The following TRA2A variants were observed in gnomAD, a reference collection of about 807,000 sequenced individuals.
The protein encoded by TRA2A is transformer 2 alpha homolog, also known as transformer-2 protein homolog alpha.
A neutral mutation model predicts 45.7 loss-of-function variants in TRA2A; 31 were observed. The ratio of observed to expected loss-of-function variants is 0.68; its 90% CI spans 0.51 to 0.92. The LOEUF (loss-of-function observed/expected upper bound fraction) is 0.92. TRA2A is among the 40% of genes least tolerant of loss of function. The pLI is 0.00. For synonymous variants in TRA2A, 132 were observed against 126.2 expected, an observed-to-expected ratio of 1.05 and a Z score of -0.31; for missense variants, 304 against 367.5, an observed-to-expected ratio of 0.83 and a Z score of 1.41.
chr7:23,519,810 A>G (rs888651416), intron 2 of TRA2A, among the ~76,000 whole-genome samples: 2 of 152,228 alleles, frequency 1.3e-5, no homozygotes, highest in South Asian at 4.1e-4. Flanking sequence ...AGAAGAGTTG[A>G]TATTTCCCAT....
At chr7:23,520,160 G>A (rs1172333776) in intron 2 of TRA2A, among the ~76,000 whole-genome samples, 1 of 152,226 alleles carries the variant, frequency 6.6e-6, no homozygotes, top group Non-Finnish European at 1.5e-5. Context: ...AGGTTGCAGT[G>A]AGCCAAGATC....
chr7:23,516,979 G>C (rs1789903145), intron 2 of TRA2A, among the ~76,000 whole-genome samples: 1 of 151,964 alleles, frequency 6.6e-6, no homozygotes, highest in Non-Finnish European at 1.5e-5. Flanking sequence ...GTGGTGGCAG[G>C]CACCTGTAAT....
intron 4 of TRA2A, among the ~76,000 whole-genome samples, chr7:23,509,238 C>G (rs1789483382): frequency 6.6e-6 from 1 of 152,072 alleles, no homozygotes; most frequent in South Asian, 2.1e-4. Context: ...TCAAAATTCT[C>G]TAAGTTGATC....
At chr7:23,518,132 T>C (rs1237563058) in intron 2 of TRA2A, among the ~76,000 whole-genome samples, 1 of 151,890 alleles carries the variant, frequency 6.6e-6, no homozygotes, top group African/African-American at 2.4e-5. Context: ...AGTGACAGGG[T>C]TTCGCCATGT....
Position 23,506,140 on chromosome 7 carries a change from G to GT in TRA2A, c.767dup (p.Tyr256Ter). The change falls in exon 6 of 8, where the codon TAC becomes TAAC. Residue 256 changes from tyrosine (Y) to a stop codon, truncating the protein, a stop_gained and frameshift_variant. Transcript: ENST00000297071. LOFTEE classifies it high-confidence loss of function. Reference protein sequence around the residue: ...YDRYEDYDYRYRRRSPSPYYS... With the variant: ...YDRYEDYDYR Reference sequence around the variant, plus strand: ...GAAAGCTCAAGTTAAAACATTACCTGTATCGGTAATCATAGTCTTCATATC... The same window carrying GT: ...GAAAGCTCAAGTTAAAACATTACCTGTTATCGGTAATCATAGTCTTCATATC... The GT allele has an allele frequency of 1.2e-6, 2 of 1,601,652 alleles. No homozygotes were observed. Among genetic ancestry groups the GT allele is most frequent in the Non-Finnish European group, 1.7e-6 (2 of 1,171,176 alleles).
intron 1 of TRA2A, among the ~76,000 whole-genome samples, chr7:23,529,680 A>C (rs1436578869): frequency 6.6e-6 from 1 of 152,232 alleles, no homozygotes; most frequent in Non-Finnish European, 1.5e-5. Flanking sequence ...AAAAATAAAA[A>C]GATACAACAG....
At position 23,521,946 on chromosome 7, in the gene TRA2A, T is replaced by C. The variant is rs756303563; in HGVS notation, c.37-106A>G. On this transcript the variant is annotated intron_variant, in intron 1 of 7. Coordinates refer to ENST00000297071, the MANE Select transcript of TRA2A (RefSeq NM_013293.5). ...ATATTGATTGCTCCTGAAAAACAAA[T>C]GGTTAGACAACACCCTCCAGAAAAA... 1.9e-4 allele frequency: 290 copies of C among 1,501,844 alleles called. 1 individual carries two copies. Among genetic ancestry groups the C allele is most frequent in the Non-Finnish European group, 2.4e-4 (268 of 1,117,948 alleles). 93.0% of individuals were successfully genotyped at this position (1,501,844 alleles called of 1,614,324 possible). A position where few individuals can be genotyped will look rare whatever the true frequency, so the allele number is the denominator to read the frequency against.
chr7:23,505,820 G>A lies in TRA2A; in HGVS notation c.771-7C>T, dbSNP rs750897106. ...AGGAGAAGGTGATCGTCTTCTGTAA[G>A]AAATGAAAGATTACTTAGCATACTA... On this transcript the variant is annotated splice_polypyrimidine_tract_variant and splice_region_variant and intron_variant, in intron 6 of 7. Transcript: ENST00000297071. The A allele has an allele frequency of 1.3e-6, 2 of 1,508,434 alleles. No homozygotes were observed. The highest frequency in any genetic ancestry group is 2.4e-5 in the East Asian group (1 of 42,530). 93.4% of individuals were successfully genotyped at this position (1,508,434 alleles called of 1,614,324 possible).
rs199618319 is a variant in TRA2A at position 23,505,841 on chromosome 7, T to C, written c.771-28A>G. On this transcript the variant is annotated intron_variant, in intron 6 of 7. Coordinates refer to ENST00000297071, the MANE Select transcript of TRA2A (RefSeq NM_013293.5). ...GTAAGAAATGAAAGATTACTTAGCA[T>C]ACTATATAATCACTCCACTGAGGCA... The C allele has an allele frequency of 1.3e-3, 1,736 of 1,364,904 alleles. 2 individuals carry two copies. Among genetic ancestry groups the C allele is most frequent in the Non-Finnish European group, 1.5e-3 (1,468 of 999,650 alleles). 84.5% of individuals were successfully genotyped at this position (1,364,904 alleles called of 1,614,324 possible). A position where few individuals can be genotyped will look rare whatever the true frequency, so the allele number is the denominator to read the frequency against.
At chr7:23,510,307 A>T (rs1001144175) in intron 4 of TRA2A, among the ~76,000 whole-genome samples, 3 of 152,128 alleles carry the variant, frequency 2.0e-5, no homozygotes, top group African/African-American at 7.2e-5. Context: ...TCCTGTCTTT[A>T]AAGTTGCCAG....
intron 5 of TRA2A, chr7:23,507,211 G>A (rs1789382728): frequency 5.8e-6 from 3 of 520,390 alleles, no homozygotes; most frequent in Non-Finnish European, 1.0e-5. Context: ...AGTGATTCCT[G>A]TGCCTCAGCT....
chr7:23,531,952 C>A lies in TRA2A; in HGVS notation c.-128G>T. The A allele has an allele frequency of 3.0e-6, 3 of 999,320 alleles. No homozygotes were observed. In the South Asian group the frequency reaches 4.2e-5, roughly 14 times the overall value. 61.9% of individuals were successfully genotyped at this position (999,320 alleles called of 1,614,324 possible). A position where few individuals can be genotyped will look rare whatever the true frequency, so the allele number is the denominator to read the frequency against. On this transcript the variant is annotated 5_prime_UTR_variant, in exon 1 of 8. Transcript: ENST00000297071. ...CGGCAACCACAGCCGCTCCACTCCA[C>A]TCCCACTCGGTCGCAGGCTCCAGCA...
intron 1 of TRA2A, 187 bp downstream of exon 1, chr7:23,531,602 T>C (rs917777015): frequency 8.2e-6 from 5 of 610,782 alleles, no homozygotes; most frequent in Non-Finnish European, 1.4e-5. Context: ...GGGGGAGGGG[T>C]GTTATCCGTG....
intron 1 of TRA2A, among the ~76,000 whole-genome samples, chr7:23,522,713 TTAATA>T (rs1403706221): frequency 6.6e-6 from 1 of 152,108 alleles, no homozygotes; most frequent in Non-Finnish European, 1.5e-5. Flanking sequence ...GTGAGCAATT[TTAATA>T]TAATTCAAAT....
At chr7:23,511,406 AAAAAGAAAAG>A (rs769835480) in intron 4 of TRA2A, among the ~76,000 whole-genome samples, 38 of 50,060 alleles carry the variant, frequency 7.6e-4, no homozygotes, top group Middle Eastern at 0.01. Flanking sequence ...AAAAAAAAAA[AAAAAGAAAAG>A]AAAAGAAAAG....
intron 1 of TRA2A, among the ~76,000 whole-genome samples, chr7:23,530,612 A>G (rs1790535587): frequency 1.3e-5 from 2 of 152,188 alleles, no homozygotes; most frequent in Non-Finnish European, 2.9e-5. Flanking sequence ...ACTCACTTCT[A>G]CAATTCCCTA....
chr7:23,526,106 A>T (rs1330576068), intron 1 of TRA2A, among the ~76,000 whole-genome samples: 1 of 152,224 alleles, frequency 6.6e-6, no homozygotes, highest in Non-Finnish European at 1.5e-5. Flanking sequence ...TATTCTTTTA[A>T]TCAGGAAAAG....
At chr7:23,522,052 C>G in intron 1 of TRA2A, 15 of 1,385,950 alleles carry the variant, frequency 1.1e-5, no homozygotes, top group Non-Finnish European at 1.4e-5. Flanking sequence ...CACCAATTCT[C>G]TATTAACTAA....
chr7:23,508,429 G>A (rs1286480324), intron 4 of TRA2A, among the ~76,000 whole-genome samples: 5 of 151,976 alleles, frequency 3.3e-5, no homozygotes, highest in East Asian at 1.9e-4. Context: ...CACCATGCTC[G>A]GCTAATTAAA....
Sources: gnomAD v4.1 joint callset for allele counts (sites outside exome capture counted in the v4.1 genomes callset) on GRCh38, gnomAD v4.1.1 for gene constraint, MANE v1.5 for transcripts, NCBI Gene and HGNC (gene_info 2026-07-23, HGNC 2026-07-21) for gene names.